Variants in CADM2 observed in about 807,000 individuals in gnomAD.
The protein encoded by CADM2 is immunoglobulin superfamily member 4D.
Under a neutral mutation model 49.8 loss-of-function variants are expected in CADM2, and 12 were observed. That is an observed-to-expected ratio of 0.24 (90% CI 0.15 to 0.39). The LOEUF (loss-of-function observed/expected upper bound fraction) is 0.39. Ranked by LOEUF, CADM2 falls within the 10% of genes least tolerant of loss-of-function variation. The probability of loss-of-function intolerance (pLI) is 1.00; values close to 1 mark genes in which losing one functional copy is unlikely to be tolerated. For synonymous variants in CADM2, 214 were observed against 175.4 expected (o/e 1.22, Z -1.74); for missense variants, 378 against 492.3 (o/e 0.77, Z 2.20).
At chr3:85,534,812 G>T (rs1350469120) in intron 1 of CADM2, among the ~76,000 whole-genome samples, 6 of 152,026 alleles carry the variant, frequency 3.9e-5, no homozygotes, top group Admixed American at 2.6e-4. Flanking sequence ...TCTATCTCAA[G>T]CTCTCTTTGC....
intron 1 of CADM2, among the ~76,000 whole-genome samples, chr3:85,094,441 C>T (rs1396273147): frequency 6.6e-6 from 1 of 152,036 alleles, no homozygotes; most frequent in African/African-American, 2.4e-5. Context: ...AAATACACAT[C>T]ACCACATAAC....
At chr3:86,052,825 T>C (rs1341644126) in intron 8 of CADM2, among the ~76,000 whole-genome samples, 1 of 152,136 alleles carries the variant, frequency 6.6e-6, no homozygotes, top group Non-Finnish European at 1.5e-5. Flanking sequence ...CTGTTGTAAT[T>C]TAAGCATAGT....
intron 8 of CADM2, among the ~76,000 whole-genome samples, chr3:85,988,909 A>G (rs1487972745): frequency 6.6e-6 from 1 of 152,202 alleles, no homozygotes. Flanking sequence ...GTGAACTAAC[A>G]TGAAATTACA....
Position 85,774,612 on chromosome 3 carries a change from G to GT in CADM2, c.89-27425dup, listed in dbSNP as rs901843167. Among the ~76,000 whole-genome samples, 149 of 146,988 alleles carry GT rather than the reference G, an allele frequency of 1.0e-3. 1 individual carries two copies. Among genetic ancestry groups the GT allele is most frequent in the African/African-American group, 2.1e-3 (84 of 40,296 alleles). On this transcript the variant is annotated intron_variant, in intron 2 of 9. Coordinates refer to ENST00000383699, the MANE Select transcript of CADM2 (RefSeq NM_001167675.2). ...ATATTGCTACTGTTTATCTTCCCTA[G>GT]TTTTTTTTTTAATCCTAAGAATAGC...
chr3:85,284,091 ACT>A (rs1276178750), intron 1 of CADM2, among the ~76,000 whole-genome samples: 1 of 152,020 alleles, frequency 6.6e-6, no homozygotes, highest in Non-Finnish European at 1.5e-5. Flanking sequence ...TATTTTAAAA[ACT>A]CTGCCAGATA....
rs576059741 is a variant in CADM2 at position 85,034,839 on chromosome 3, T to TGTCACCCA, written c.61+75173_61+75180dup. Among the ~76,000 whole-genome samples, 555 of 142,774 alleles carry TGTCACCCA rather than the reference T, an allele frequency of 3.9e-3. 3 individuals are homozygous for TGTCACCCA. Among genetic ancestry groups the TGTCACCCA allele is most frequent in the African/African-American group, 0.014 (533 of 38,012 alleles). The allele number at this position is 142,774 out of a possible 152,430, so 93.7% of individuals were successfully genotyped here. On this transcript the variant is annotated intron_variant, in intron 1 of 9. Coordinates refer to ENST00000383699, the MANE Select transcript of CADM2 (RefSeq NM_001167675.2). ...TACCTCCTGAGACAGAGGCTTGCCC[T>TGTCACCCA]GTCACCCAGGCTGTAGTGCAGGGCA...
chr3:85,531,395 A>T (rs965179934), intron 1 of CADM2, among the ~76,000 whole-genome samples: 1 of 152,202 alleles, frequency 6.6e-6, no homozygotes, highest in Non-Finnish European at 1.5e-5. Flanking sequence ...GAACTGTGAT[A>T]AATTATTTGG....
rs562307662 is a variant in CADM2 at position 85,609,241 on chromosome 3, G to A, written c.62-117281G>A. Among the ~76,000 whole-genome samples the A allele has an allele frequency of 2.6e-5, 4 of 152,092 alleles. No homozygotes were observed. The East Asian group carries it at 7.8e-4, about 29-fold the overall frequency. On this transcript the variant is annotated intron_variant, in intron 1 of 9. Transcript: ENST00000383699. ...AGATTTGAGTTCTTGTACTCCGAGA[G>A]GTGTTAGGGGCATGACATGCACCTG...
intron 1 of CADM2, among the ~76,000 whole-genome samples, chr3:85,154,312 T>C (rs1298796478): frequency 5.3e-5 from 8 of 152,092 alleles, no homozygotes; most frequent in Non-Finnish European, 1.2e-4. Flanking sequence ...CAGGAGCTCA[T>C]GCGATCAACT....
intron 5 of CADM2, among the ~76,000 whole-genome samples, chr3:85,908,193 A>G (rs1398985407): frequency 6.7e-6 from 1 of 148,624 alleles, no homozygotes; most frequent in Non-Finnish European, 1.5e-5. Flanking sequence ...CGGAAATATG[A>G]TATTTTGTGA....
At chr3:85,000,418 A>G (rs1272567370) in intron 1 of CADM2, among the ~76,000 whole-genome samples, 1 of 151,868 alleles carries the variant, frequency 6.6e-6, no homozygotes, top group Non-Finnish European at 1.5e-5. Context: ...TTAAAGCTAT[A>G]GAGAGCATAA....
intron 2 of CADM2, among the ~76,000 whole-genome samples, chr3:85,793,960 T>C (rs927890998): frequency 6.6e-6 from 1 of 152,180 alleles, no homozygotes; most frequent in Non-Finnish European, 1.5e-5. Flanking sequence ...GGGCTTATAC[T>C]TAATATTCAA....
At chr3:85,241,422 G>A (rs912959338) in intron 1 of CADM2, among the ~76,000 whole-genome samples, 1 of 151,450 alleles carries the variant, frequency 6.6e-6, no homozygotes, top group African/African-American at 2.4e-5. Context: ...ACTTGAAATT[G>A]AGTAGTCAGG....
intron 1 of CADM2, among the ~76,000 whole-genome samples, chr3:85,258,227 A>C (rs2042933955): frequency 6.6e-6 from 1 of 152,120 alleles, no homozygotes; most frequent in African/African-American, 2.4e-5. Flanking sequence ...TGTTTCATGC[A>C]TACTAGGAGG....
intron 1 of CADM2, among the ~76,000 whole-genome samples, chr3:85,548,153 G>T (rs1055662577): frequency 2.5e-5 from 2 of 78,522 alleles, no homozygotes; most frequent in African/African-American, 6.1e-5. Flanking sequence ...TTCACAGCGT[G>T]CCAGGATGAC....
intron 1 of CADM2, among the ~76,000 whole-genome samples, chr3:85,014,482 A>G (rs1183134185): frequency 1.3e-5 from 2 of 152,192 alleles, no homozygotes; most frequent in African/African-American, 4.8e-5. Context: ...AGGAAAATAC[A>G]TAGTATACAT....
intron 2 of CADM2, among the ~76,000 whole-genome samples, chr3:85,756,772 A>T (rs1010291631): frequency 7.9e-5 from 12 of 152,184 alleles, no homozygotes; most frequent in African/African-American, 2.9e-4. Flanking sequence ...TTTGAACAGT[A>T]TCGAATAGTT....
intron 8 of CADM2, among the ~76,000 whole-genome samples, chr3:86,057,794 T>C (rs1453625945): frequency 6.6e-6 from 1 of 151,992 alleles, no homozygotes. Flanking sequence ...TAACAGGAGA[T>C]TATTTAGCAT....
rs1365759375 is a variant in CADM2 at position 84,959,694 on chromosome 3, C to A, written c.61+26C>A. On this transcript the variant is annotated intron_variant, in intron 1 of 9. Coordinates refer to ENST00000383699, the MANE Select transcript of CADM2 (RefSeq NM_001167675.2). Reference sequence around the variant, plus strand: ...GTAATCCCCGCCCCGGCGCAGGGAACATCAACTTCTCGCCCATTCCCCATC... The same window carrying A: ...GTAATCCCCGCCCCGGCGCAGGGAAAATCAACTTCTCGCCCATTCCCCATC... The A allele has an allele frequency of 2.0e-6, 3 of 1,533,516 alleles. No homozygotes were observed. The South Asian group carries it at 3.6e-5, about 18-fold the overall frequency. 95.0% of individuals were successfully genotyped at this position (1,533,516 alleles called of 1,614,324 possible). A position where few individuals can be genotyped will look rare whatever the true frequency, so the allele number is the denominator to read the frequency against.
Sources: gnomAD v4.1 joint callset for allele counts (sites outside exome capture counted in the v4.1 genomes callset) on GRCh38, gnomAD v4.1.1 for gene constraint, MANE v1.5 for transcripts, NCBI Gene and HGNC (gene_info 2026-07-23, HGNC 2026-07-21) for gene names.